The following MIGA1 variants were observed in gnomAD, a reference collection of about 807,000 sequenced individuals.
The protein encoded by MIGA1 is family with sequence similarity 73, member A.
Under a neutral mutation model 82.0 loss-of-function variants are expected in MIGA1, and 58 were observed. The observed-to-expected ratio is 0.71, with a 90% CI of 0.57 to 0.88. The LOEUF (loss-of-function observed/expected upper bound fraction) is 0.88, where lower values mean the gene tolerates loss of function less well. MIGA1 is among the 40% of genes least tolerant of loss of function. The pLI is 0.00. For missense variants in MIGA1, 751 were observed against 749.1 expected (o/e 1.00, Z -0.03); for synonymous variants, 249 against 253.6 (o/e 0.98, Z 0.17).
At chr1:77,866,478 T>A in intron 14 of MIGA1, 87 bp downstream of exon 14, 4 of 1,272,952 alleles carry the variant, frequency 3.1e-6, no homozygotes, top group Non-Finnish European at 4.6e-6. Flanking sequence ...CCGGTGGGAA[T>A]TGGCAGCTGT....
intron 2 of MIGA1, among the ~76,000 whole-genome samples, chr1:77,798,172 A>C (rs1250509508): frequency 6.6e-6 from 1 of 152,162 alleles, no homozygotes; most frequent in Non-Finnish European, 1.5e-5. Context: ...ACAACAATAG[A>C]AATTTAATTT....
chr1:77,843,540 A>T (rs1406854596), intron 8 of MIGA1, 133 bp downstream of exon 8: 3 of 626,720 alleles, frequency 4.8e-6, no homozygotes, highest in Middle Eastern at 2.6e-4. Context: ...CAGGATACAA[A>T]AATGAATAAA....
intron 10 of MIGA1, 65 bp from the exon 11 acceptor site, chr1:77,859,975 A>G (rs2101937725): frequency 1.0e-6 from 1 of 996,270 alleles, no homozygotes; most frequent in East Asian, 2.4e-5. Flanking sequence ...TTGTGCTATT[A>G]AGTTGAATGT....
intron 7 of MIGA1, among the ~76,000 whole-genome samples, chr1:77,824,233 G>A (rs1683945226): frequency 6.6e-6 from 1 of 152,166 alleles, no homozygotes; most frequent in Non-Finnish European, 1.5e-5. Flanking sequence ...ACATTCAAAT[G>A]CATTCCTAAG....
At chr1:77,795,426 C>T (rs996541877) in intron 2 of MIGA1, among the ~76,000 whole-genome samples, 1 of 151,790 alleles carries the variant, frequency 6.6e-6, no homozygotes, top group Non-Finnish European at 1.5e-5. Context: ...TGACTTACTG[C>T]TCGGCTCAAG....
chr1:77,832,411 A>G (rs552580018), intron 7 of MIGA1, among the ~76,000 whole-genome samples: 1 of 152,380 alleles, frequency 6.6e-6, no homozygotes, highest in African/African-American at 2.4e-5. Flanking sequence ...TGCAGAGTCT[A>G]GTTTTGGAAA....
intron 5 of MIGA1, among the ~76,000 whole-genome samples, chr1:77,812,818 A>G (rs1359382106): frequency 6.6e-6 from 1 of 152,164 alleles, no homozygotes. Context: ...GACTATAACT[A>G]ACTTTTGATG....
intron 8 of MIGA1, chr1:77,853,264 A>C (rs112872572): frequency 2.0e-5 from 3 of 152,364 alleles, no homozygotes; most frequent in African/African-American, 7.2e-5. Context: ...AAGAGCAGTG[A>C]GCTTTGTGGA....
At chr1:77,825,463 C>T (rs1201123574) in intron 7 of MIGA1, among the ~76,000 whole-genome samples, 3 of 152,150 alleles carry the variant, frequency 2.0e-5, no homozygotes, top group African/African-American at 7.2e-5. Flanking sequence ...GAGGGCAGCA[C>T]GTTTTATCTA....
chr1:77,836,204 G>T (rs1012383754), intron 7 of MIGA1, among the ~76,000 whole-genome samples: 1 of 152,010 alleles, frequency 6.6e-6, no homozygotes, highest in Non-Finnish European at 1.5e-5. Flanking sequence ...GGAAAAGAAA[G>T]AAAGTAAAGT....
chr1:77,869,483 C>T (rs1220104158), intron 14 of MIGA1, among the ~76,000 whole-genome samples: 12 of 138,674 alleles, frequency 8.7e-5, no homozygotes, highest in South Asian at 2.5e-4. Flanking sequence ...GGGTCGTGGC[C>T]GGGCAGAGGG....
intron 7 of MIGA1, among the ~76,000 whole-genome samples, chr1:77,818,810 T>C (rs1570956345): frequency 6.6e-6 from 1 of 152,222 alleles, no homozygotes; most frequent in African/African-American, 2.4e-5. Context: ...CTGGGCGTGG[T>C]GGCTCACGCC....
rs201944382 is a variant in MIGA1 at position 77,843,417 on chromosome 1, A to G, written c.996+10A>G. The G allele has an allele frequency of 7.2e-4, 1,149 of 1,600,936 alleles. 1 individual carries two copies. The highest frequency in any genetic ancestry group is 9.0e-4 in the Non-Finnish European group (1,049 of 1,168,166). ...TGCTTCCGCAGCAGAGGTAGGACAT[A>G]TGTGTTCCTAATGAGGATTTCTGTT... is the stretch of plus-strand genomic sequence containing the variant. On this transcript the variant is annotated intron_variant, in intron 8 of 15. Transcript: ENST00000370791.
chr1:77,831,139 T>C (rs1425250677), intron 7 of MIGA1, among the ~76,000 whole-genome samples: 1 of 152,224 alleles, frequency 6.6e-6, no homozygotes, highest in East Asian at 1.9e-4. Context: ...GAGCCTAAGA[T>C]AAGAACTTGA....
chr1:77,800,501 C>T (rs1682833987), intron 2 of MIGA1, among the ~76,000 whole-genome samples: 1 of 152,222 alleles, frequency 6.6e-6, no homozygotes. Flanking sequence ...AAGTGACATT[C>T]TTTCCAGCTC....
intron 15 of MIGA1, among the ~76,000 whole-genome samples, chr1:77,873,585 G>T (rs574714320): frequency 3.9e-5 from 6 of 152,238 alleles, no homozygotes; most frequent in African/African-American, 1.4e-4. Context: ...ATAAAATGGG[G>T]GTTTAATGTT....
chr1:77,870,569 G>A (rs1231331953), intron 14 of MIGA1, among the ~76,000 whole-genome samples: 6 of 142,314 alleles, frequency 4.2e-5, no homozygotes, highest in Admixed American at 7.0e-5. Context: ...ATGGGATGGC[G>A]GCCGGGCAGA....
chr1:77,856,064 C>T (rs1400819563), intron 8 of MIGA1, among the ~76,000 whole-genome samples: 3 of 151,990 alleles, frequency 2.0e-5, no homozygotes, highest in Non-Finnish European at 4.4e-5. Flanking sequence ...TAAGGTATGT[C>T]CCTTGTATGC....
intron 14 of MIGA1, among the ~76,000 whole-genome samples, chr1:77,871,767 C>T (rs1331599310): frequency 2.6e-5 from 4 of 151,996 alleles, no homozygotes; most frequent in African/African-American, 9.7e-5. Context: ...TATAGGGTTC[C>T]TTAATTAAAA....
Sources: allele counts gnomAD v4.1 joint callset (sites outside exome capture counted in the v4.1 genomes callset), GRCh38; gene constraint gnomAD v4.1.1; transcripts MANE v1.5; gene names NCBI Gene and HGNC (gene_info 2026-07-23, HGNC 2026-07-21).